The following ANKRD36C variants were observed in gnomAD, a reference collection of about 807,000 sequenced individuals.
The protein encoded by ANKRD36C is ankyrin repeat domain 36C, also known as ankyrin repeat domain-containing protein 36C.
Under a neutral mutation model 276.4 loss-of-function variants are expected in ANKRD36C, and 61 were observed. That is an observed-to-expected ratio of 0.22 (90% CI 0.18 to 0.27). The LOEUF (loss-of-function observed/expected upper bound fraction) is 0.27, where lower values mean the gene tolerates loss of function less well. ANKRD36C is among the 10% of genes least tolerant of loss of function. The pLI, the probability that ANKRD36C is intolerant of heterozygous loss-of-function variation, is 1.00. For missense variants in ANKRD36C, 1,447 were observed against 2,032.3 expected (o/e 0.71, Z 5.54); for synonymous variants, 483 against 680.1 (o/e 0.71, Z 4.51).
chr2:95,986,660 C>T, intron 3 of ANKRD36C, 91 bp downstream of exon 3: 4 of 1,142,286 alleles, frequency 3.5e-6, no homozygotes, highest in Non-Finnish European at 4.9e-6. Context: ...AATGTTTGAG[C>T]TTCCAAATAT....
intron 28 of ANKRD36C, 94 bp downstream of exon 28, chr2:95,927,120 A>G (rs892478660): frequency 6.6e-7 from 1 of 1,525,350 alleles, no homozygotes; most frequent in Non-Finnish European, 9.0e-7. Flanking sequence ...CAGAATGTGC[A>G]GCTTCAATGA....
In ANKRD36C at chr2:95,975,220, T is replaced by C. The variant is rs1187603320; in HGVS notation, c.799+2902A>G. On this transcript the variant is annotated intron_variant, in intron 6 of 66. Transcript: ENST00000456556. ...CATACTGCCCAAGGTAATTTATAGA[T>C]TCAATGCCATCCCAGCAACCTACCA... is the stretch of plus-strand genomic sequence containing the variant. Among the ~76,000 whole-genome samples the C allele has an allele frequency of 2.6e-5, 4 of 152,134 alleles. No individual in the cohort carries two copies. The East Asian group carries it at 7.7e-4, about 29-fold the overall frequency.
chr2:95,921,739 C>A, intron 33 of ANKRD36C, 43 bp downstream of exon 33: 1 of 1,595,048 alleles, frequency 6.3e-7, no homozygotes, highest in Non-Finnish European at 8.5e-7. Context: ...GTTTCATAGA[C>A]TATAGATTCA....
At chr2:95,984,789 T>C (rs1678995945) in intron 3 of ANKRD36C, among the ~76,000 whole-genome samples, 1 of 152,198 alleles carries the variant, frequency 6.6e-6, no homozygotes, top group Non-Finnish European at 1.5e-5. Flanking sequence ...TTCTATATTG[T>C]AACCTCATTT....
At chr2:95,915,532 A>T (rs184083733) in intron 38 of ANKRD36C, among the ~76,000 whole-genome samples, 2 of 151,474 alleles carry the variant, frequency 1.3e-5, no homozygotes, top group Non-Finnish European at 3.0e-5. Context: ...ATCCATCTTC[A>T]TTCGGAAAAT....
In ANKRD36C at chr2:95,909,184, ACACTT is replaced by A. The variant is rs1272020015; in HGVS notation, c.2653+3055_2653+3059del. Among the ~76,000 whole-genome samples, 7 of 92,604 alleles carry A rather than the reference ACACTT, an allele frequency of 7.6e-5. No individual in the cohort carries two copies. In the Admixed American group the frequency reaches 8.9e-4, roughly 12 times the overall value. The allele number at this position is 92,604 out of a possible 152,430, so 60.8% of individuals were successfully genotyped here. On this transcript the variant is annotated intron_variant, in intron 42 of 66. Transcript: ENST00000456556. ...TTACGACGACAATTCAGTTGAATGT[ACACTT>A]CACATCACTTCAGTGGAAGTGTGCT...
chr2:95,938,610 C>T (rs1370962513), intron 22 of ANKRD36C, among the ~76,000 whole-genome samples: 3 of 152,090 alleles, frequency 2.0e-5, no homozygotes, highest in Non-Finnish European at 4.4e-5. Flanking sequence ...ATGATGACAA[C>T]TTTAAAGGAA....
rs1213095513 is a variant in ANKRD36C at position 95,979,459 on chromosome 2, G to A, written c.731+1189C>T. Among the ~76,000 whole-genome samples, 3 of 152,146 alleles carry A rather than the reference G, an allele frequency of 2.0e-5. No homozygotes were observed. In the East Asian group the frequency reaches 5.8e-4, roughly 29 times the overall value. On this transcript the variant is annotated intron_variant, in intron 5 of 66. Transcript: ENST00000456556. ...AACTTGAGACTCAGATAATTCCAATGAATGGCTTCCTGTGAAGTAGAATCC... is the reference window on the plus strand; with the variant it reads ...AACTTGAGACTCAGATAATTCCAATAAATGGCTTCCTGTGAAGTAGAATCC...
At chr2:95,941,061 C>T in intron 20 of ANKRD36C, 99 bp downstream of exon 20, 2 of 1,087,404 alleles carry the variant, frequency 1.8e-6, no homozygotes, top group Non-Finnish European at 2.4e-6. Flanking sequence ...AATTATTCAG[C>T]TATATTCACT....
chr2:95,859,721 A>G (rs1040311839), intron 61 of ANKRD36C, 140 bp downstream of exon 81: 1 of 966,716 alleles, frequency 1.0e-6, no homozygotes. Flanking sequence ...ATTATATCCA[A>G]TAATTTCACA....
chr2:95,857,355 T>C, exon 62 of ANKRD36C: 6 of 1,607,112 alleles, frequency 3.7e-6, no homozygotes, highest in Non-Finnish European at 5.1e-6. Flanking sequence ...CTCTGCTGAT[T>C]TGAGAGCCGG....
chr2:95,921,131 C>T (rs1273304052), intron 34 of ANKRD36C, among the ~76,000 whole-genome samples: 1 of 150,748 alleles, frequency 6.6e-6, no homozygotes, highest in Non-Finnish European at 1.5e-5. Context: ...TCCTGTCTGA[C>T]AATCCATCTT....
chr2:95,953,973 G>A (rs1269093597), exon 14 of ANKRD36C: 4 of 1,535,826 alleles, frequency 2.6e-6, no homozygotes, highest in Non-Finnish European at 3.5e-6. Context: ...CTCTGTCACA[G>A]GCTGTGCAAC....
chr2:95,930,869 A>G (rs1007764087), intron 24 of ANKRD36C, among the ~76,000 whole-genome samples: 2 of 151,514 alleles, frequency 1.3e-5, no homozygotes, highest in African/African-American at 4.8e-5. Context: ...AGCATGTATC[A>G]TTGATGTGCA....
At position 95,965,651 on chromosome 2, in the gene ANKRD36C, T is replaced by TCACC. The variant is rs557476871; in HGVS notation, c.800-3108_800-3105dup. On this transcript the variant is annotated intron_variant, in intron 6 of 66. Coordinates refer to ENST00000456556, the Ensembl canonical transcript of ANKRD36C. ...ACATAAGCATATCCATGCTGGTATG[T>TCACC]CACCATATTTATGTCCATATGGTAT... is the stretch of plus-strand genomic sequence containing the variant. 1.6e-4 allele frequency among the ~76,000 whole-genome samples: 24 copies of TCACC among 152,290 alleles called. No homozygotes were observed. In the South Asian group the frequency reaches 2.3e-3, roughly 14 times the overall value.
intron 6 of ANKRD36C, among the ~76,000 whole-genome samples, chr2:95,976,045 C>T (rs1359661742): frequency 9.9e-5 from 15 of 152,126 alleles, no homozygotes; most frequent in African/African-American, 3.4e-4. Context: ...TCATCACTGG[C>T]CATCAGAGAA....
At chr2:95,985,508 C>T (rs1679010024) in intron 3 of ANKRD36C, among the ~76,000 whole-genome samples, 1 of 152,162 alleles carries the variant, frequency 6.6e-6, no homozygotes, top group Non-Finnish European at 1.5e-5. Context: ...AGAGGCACCA[C>T]CATGCCCAGC....
chr2:95,967,688 C>T (rs1367873715), intron 6 of ANKRD36C, among the ~76,000 whole-genome samples: 2 of 151,856 alleles, frequency 1.3e-5, no homozygotes, highest in East Asian at 1.9e-4. Context: ...TACAGTGGCT[C>T]GTTCCTGTAA....
chr2:95,914,841 C>A (rs1012162983), intron 38 of ANKRD36C, among the ~76,000 whole-genome samples: 2 of 151,510 alleles, frequency 1.3e-5, no homozygotes, highest in Non-Finnish European at 3.0e-5. Flanking sequence ...ACTTTGGATA[C>A]CTGTTTGCTG....
Sources: gnomAD v4.1 joint callset for allele counts (sites outside exome capture counted in the v4.1 genomes callset) on GRCh38, gnomAD v4.1.1 for gene constraint, MANE v1.5 for transcripts, NCBI Gene and HGNC (gene_info 2026-07-23, HGNC 2026-07-21) for gene names.